The following GNG12 variants were observed in gnomAD, a reference collection of about 807,000 sequenced individuals.
The protein encoded by GNG12 is guanine nucleotide-binding protein G(I)/G(S)/G(O) subunit gamma-12.
For missense variants in GNG12, 69 were observed against 83.8 expected, an observed-to-expected ratio of 0.82 and a Z score of 0.69; for synonymous variants, 28 against 29.7, an observed-to-expected ratio of 0.94 and a Z score of 0.19.
At chr1:67,811,414 CA>C (rs1469046908) in intron 1 of GNG12, among the ~76,000 whole-genome samples, 2 of 152,158 alleles carry the variant, frequency 1.3e-5, no homozygotes, top group Non-Finnish European at 2.9e-5. Context: ...AGGACTAACA[CA>C]ACACTAAGCG....
chr1:67,805,173 G>A (rs1379307913), intron 1 of GNG12, among the ~76,000 whole-genome samples: 1 of 152,166 alleles, frequency 6.6e-6, no homozygotes. Flanking sequence ...CTCATCTAAA[G>A]CCTCAGATCT....
chr1:67,711,497 G>A (rs574424541), intron 2 of GNG12, among the ~76,000 whole-genome samples: 53 of 151,946 alleles, frequency 3.5e-4, no homozygotes, highest in African/African-American at 1.3e-3. Flanking sequence ...AGAGATAAAT[G>A]GTGAATAAAG....
At chr1:67,786,015 T>C (rs1646765647) in intron 1 of GNG12, among the ~76,000 whole-genome samples, 1 of 152,178 alleles carries the variant, frequency 6.6e-6, no homozygotes, top group African/African-American at 2.4e-5. Context: ...GGGACATCTG[T>C]TTCCTAATAC....
chr1:67,816,337 AGAAGGTG>A (rs1646953786), intron 1 of GNG12, among the ~76,000 whole-genome samples: 1 of 152,154 alleles, frequency 6.6e-6, no homozygotes, highest in African/African-American at 2.4e-5. Flanking sequence ...ACCCTTTCAA[AGAAGGTG>A]GAAGGGAAAT....
At chr1:67,730,516 C>T (rs1401328059) in intron 2 of GNG12, among the ~76,000 whole-genome samples, 3 of 151,854 alleles carry the variant, frequency 2.0e-5, no homozygotes, top group Admixed American at 6.6e-5. Context: ...CAACCGCCCC[C>T]GCACCGACCC....
chr1:67,766,518 G>GTT lies in GNG12; in HGVS notation c.-27+10939_-27+10940insAA, dbSNP rs1427410706. ...AGCAGGGCTTAATCAGCACAACCCTGAAGGCCGGCCAGCTCATTCTCCTCA... is the reference window on the plus strand; with the variant it reads ...AGCAGGGCTTAATCAGCACAACCCTGTTAAGGCCGGCCAGCTCATTCTCCTCA... On this transcript the variant is annotated intron_variant, in intron 2 of 3. Coordinates refer to ENST00000370982, the MANE Select transcript of GNG12 (RefSeq NM_018841.6). Among the ~76,000 whole-genome samples, 21 of 152,142 alleles carry GTT rather than the reference G, an allele frequency of 1.4e-4. No homozygotes were observed. In the East Asian group the frequency reaches 3.3e-3, roughly 24 times the overall value.
intron 1 of GNG12, among the ~76,000 whole-genome samples, chr1:67,790,495 C>T (rs114322225): frequency 0.019 from 2,865 of 152,288 alleles, 67 homozygotes; most frequent in African/African-American, 0.057. Context: ...TCTGTCAAAT[C>T]AGCCACTTCT....
At chr1:67,786,310 G>A (rs555981677) in intron 1 of GNG12, among the ~76,000 whole-genome samples, 37 of 152,286 alleles carry the variant, frequency 2.4e-4, no homozygotes, top group African/African-American at 8.9e-4. Flanking sequence ...TGGCAGTTGA[G>A]GTTAGCTGTT....
intron 2 of GNG12, among the ~76,000 whole-genome samples, chr1:67,733,466 A>C (rs1185142209): frequency 6.6e-6 from 1 of 152,188 alleles, no homozygotes; most frequent in Non-Finnish European, 1.5e-5. Flanking sequence ...TGCATCTTTT[A>C]AACAAATGGA....
chr1:67,715,450 C>T (rs1005775242), intron 2 of GNG12, among the ~76,000 whole-genome samples: 13 of 152,160 alleles, frequency 8.5e-5, no homozygotes, highest in Non-Finnish European at 1.2e-4. Flanking sequence ...CGTTTAGGAG[C>T]GATCTGGCAG....
At chr1:67,772,635 TA>T (rs2100756328) in intron 2 of GNG12, 1 of 152,350 alleles carries the variant, frequency 6.6e-6, no homozygotes, top group East Asian at 1.9e-4. Flanking sequence ...AGACAAATTC[TA>T]AAAGAGCTGT....
At chr1:67,803,719 C>T (rs143249023) in intron 1 of GNG12, among the ~76,000 whole-genome samples, 17 of 152,272 alleles carry the variant, frequency 1.1e-4, no homozygotes, top group Admixed American at 2.0e-4. Context: ...TCCAATGTCC[C>T]ATAACTAGTC....
intron 1 of GNG12, among the ~76,000 whole-genome samples, chr1:67,827,293 C>T (rs895640542): frequency 6.6e-6 from 1 of 152,202 alleles, no homozygotes; most frequent in African/African-American, 2.4e-5. Flanking sequence ...GGCCCAAAGT[C>T]ACCCACTTAT....
intron 2 of GNG12, among the ~76,000 whole-genome samples, chr1:67,723,996 TG>T (rs1227364041): frequency 2.0e-5 from 3 of 152,194 alleles, no homozygotes; most frequent in Non-Finnish European, 4.4e-5. Context: ...GATAAGGGGC[TG>T]AACACAGAAC....
intron 2 of GNG12, among the ~76,000 whole-genome samples, chr1:67,748,556 G>A (rs576746989): frequency 1.3e-5 from 2 of 152,268 alleles, no homozygotes; most frequent in Admixed American, 6.5e-5. Context: ...GAAGTGCAGC[G>A]TCTTTTGGGA....
At chr1:67,722,557 TGGA>T (rs1236310874) in intron 2 of GNG12, among the ~76,000 whole-genome samples, 1 of 130,248 alleles carries the variant, frequency 7.7e-6, no homozygotes. Flanking sequence ...AGAAGACAGA[TGGA>T]GGAGAGAGGT....
chr1:67,740,699 C>G (rs1488325069), intron 2 of GNG12, among the ~76,000 whole-genome samples: 1 of 152,206 alleles, frequency 6.6e-6, no homozygotes. Context: ...GTGATTAGAT[C>G]ATGAGGGTGG....
At chr1:67,705,773 G>A (rs1342290936) in intron 3 of GNG12, among the ~76,000 whole-genome samples, 197 bp from the exon 4 acceptor site, 2 of 152,154 alleles carry the variant, frequency 1.3e-5, no homozygotes, top group Non-Finnish European at 2.9e-5. Flanking sequence ...TGGCAGGTAA[G>A]GTCTTTCTTA....
At chr1:67,727,466 C>T (rs1429738880) in intron 2 of GNG12, among the ~76,000 whole-genome samples, 1 of 152,208 alleles carries the variant, frequency 6.6e-6, no homozygotes, top group Admixed American at 6.5e-5. Context: ...TGAATAAATA[C>T]ATGCATATAA....
Sources: allele counts gnomAD v4.1 joint callset (sites outside exome capture counted in the v4.1 genomes callset), GRCh38; gene constraint gnomAD v4.1.1; transcripts MANE v1.5; gene names NCBI Gene and HGNC (gene_info 2026-07-23, HGNC 2026-07-21).